The following DGKI variants were observed in gnomAD, a reference collection of about 807,000 sequenced individuals.
DGKI encodes DAG kinase iota.
In DGKI, 55 loss-of-function variants were observed where a neutral mutation model predicts 147.5. That is an observed-to-expected ratio of 0.37 (90% CI 0.30 to 0.47). DGKI has a LOEUF of 0.47. Among genes scored for constraint, DGKI ranks in the 20% least tolerant of loss-of-function variants. The pLI is 1.00. For missense variants in DGKI, 1,007 were observed against 1,323.8 expected (o/e 0.76, Z 3.71); for synonymous variants, 469 against 477.1 (o/e 0.98, Z 0.22).
At chr7:137,682,985 G>C (rs1467655528) in intron 2 of DGKI, among the ~76,000 whole-genome samples, 1 of 152,166 alleles carries the variant, frequency 6.6e-6, no homozygotes, top group Non-Finnish European at 1.5e-5. Flanking sequence ...ATACATTTGA[G>C]TCTTTCATTT....
Position 137,437,949 on chromosome 7 carries a change from CAA to C in DGKI, c.2761+6126_2761+6127del, listed in dbSNP as rs1398083259. ...CTTACCAAACCACAAAAATCAATTC[CAA>C]GTTATCAAATATTAAAGAAAGCATT... On this transcript the variant is annotated intron_variant, in intron 28 of 32. Coordinates refer to ENST00000614521, the MANE Select transcript of DGKI (RefSeq NM_001321708.2). Among the ~76,000 whole-genome samples, 20 of 152,054 alleles carry C rather than the reference CAA, an allele frequency of 1.3e-4. No individual in the cohort carries two copies. The South Asian group carries it at 3.7e-3, about 28-fold the overall frequency.
At chr7:137,534,642 T>C (rs1213182175) in intron 20 of DGKI, among the ~76,000 whole-genome samples, 1 of 152,036 alleles carries the variant, frequency 6.6e-6, no homozygotes, top group African/African-American at 2.4e-5. Flanking sequence ...CAGCTCTCTT[T>C]ATACCCTTTA....
chr7:137,533,228 G>A (rs1233269983), intron 20 of DGKI, among the ~76,000 whole-genome samples: 1 of 152,080 alleles, frequency 6.6e-6, no homozygotes, highest in Non-Finnish European at 1.5e-5. Context: ...GTTCAAGATT[G>A]CAATCAACTA....
intron 1 of DGKI, among the ~76,000 whole-genome samples, chr7:137,811,374 TCTCTCTCTCTCACACACA>T (rs1797569331): frequency 4.9e-5 from 5 of 101,662 alleles, no homozygotes; most frequent in Admixed American, 3.4e-4. Context: ...CCTCTCTCTC[TCTCTCTCTCTCACACACA>T]CACACACACA....
chr7:137,619,925 T>C lies in DGKI; in HGVS notation c.892A>G (p.Thr298Ala). Residue 298 changes from threonine to alanine, a missense_variant, in exon 8 of 33, where the codon ACC (threonine) becomes GCC (alanine). Coordinates refer to ENST00000614521, the MANE Select transcript of DGKI (RefSeq NM_001321708.2). ...TCAATGTGATGCAGCATGAAGCAGG[T>C]CACCTTATTGTGAAACTGAAGAGAA... The part of the protein sequence containing the change: ...WCKQAFHNKV[T>A]CFMLHHIEEP... 4 of 1,613,570 alleles carry C rather than the reference T, an allele frequency of 2.5e-6. No homozygotes were observed. Among genetic ancestry groups the C allele is most frequent in the Non-Finnish European group, 3.4e-6 (4 of 1,179,838 alleles).
intron 28 of DGKI, among the ~76,000 whole-genome samples, chr7:137,435,112 G>T (rs1442586036): frequency 6.6e-6 from 1 of 152,126 alleles, no homozygotes; most frequent in Admixed American, 6.6e-5. Context: ...GTTTCTGTTT[G>T]CCAACACCAC....
At chr7:137,681,446 A>G (rs1158520914) in intron 2 of DGKI, among the ~76,000 whole-genome samples, 3 of 152,254 alleles carry the variant, frequency 2.0e-5, no homozygotes, top group Non-Finnish European at 2.9e-5. Context: ...TATCCTGAAG[A>G]CATCAATCCA....
In DGKI at chr7:137,656,766, G is replaced by C. The variant is rs1822239165; in HGVS notation, c.607-226C>G. Among the ~76,000 whole-genome samples, 3 of 152,160 alleles carry C rather than the reference G, an allele frequency of 2.0e-5. No individual in the cohort carries two copies. In the South Asian group the frequency reaches 6.2e-4, roughly 32 times the overall value. ...AGTAGCTCCACATCTGCATGATTTA[G>C]GGTGGGCTAGATTGTCTCTTCAAAT... On this transcript the variant is annotated intron_variant, in intron 3 of 32. Coordinates refer to ENST00000614521, the MANE Select transcript of DGKI (RefSeq NM_001321708.2).
chr7:137,619,938 A>C lies in DGKI; in HGVS notation c.879T>G (p.Phe293Leu). 1.9e-6 allele frequency: 3 copies of C among 1,612,590 alleles called. No individual in the cohort carries two copies. Among genetic ancestry groups the C allele is most frequent in the Non-Finnish European group, 2.5e-6 (3 of 1,179,048 alleles). The change falls in exon 8 of 33, where the codon TTT becomes TTG. Residue 293 changes from phenylalanine to leucine, a missense_variant and splice_region_variant. By Grantham distance (22) the Phe-to-Leu change is conservative. Coordinates refer to ENST00000614521, the MANE Select transcript of DGKI (RefSeq NM_001321708.2). The part of the protein sequence containing the change: ...AISCSWCKQA[F>L]HNKVTCFMLH... Reference sequence around the variant, plus strand: ...GCATGAAGCAGGTCACCTTATTGTGAAACTGAAGAGAAAAATAAGCCAGTA... The same window carrying C: ...GCATGAAGCAGGTCACCTTATTGTGCAACTGAAGAGAAAAATAAGCCAGTA...
intron 20 of DGKI, among the ~76,000 whole-genome samples, chr7:137,545,067 G>C (rs1328884128): frequency 6.6e-6 from 1 of 152,182 alleles, no homozygotes; most frequent in African/African-American, 2.4e-5. Context: ...GCCTGAGTCT[G>C]AATCCCACTC....
intron 12 of DGKI, among the ~76,000 whole-genome samples, chr7:137,591,603 G>A (rs1819621077): frequency 6.6e-6 from 1 of 152,134 alleles, no homozygotes. Flanking sequence ...CCACAAATTG[G>A]CTGGGTGAGT....
chr7:137,649,669 C>T (rs185892959), intron 5 of DGKI, among the ~76,000 whole-genome samples: 24 of 151,682 alleles, frequency 1.6e-4, no homozygotes, highest in African/African-American at 5.6e-4. Context: ...TCAGGTGATG[C>T]GTGCACCAAA....
At chr7:137,420,411 A>T (rs1300220663) in intron 28 of DGKI, among the ~76,000 whole-genome samples, 1 of 152,218 alleles carries the variant, frequency 6.6e-6, no homozygotes, top group Non-Finnish European at 1.5e-5. Flanking sequence ...AAACTGTCAC[A>T]TCATATACTT....
intron 27 of DGKI, among the ~76,000 whole-genome samples, chr7:137,445,736 T>G (rs764656357): frequency 6.6e-6 from 1 of 152,168 alleles, no homozygotes; most frequent in African/African-American, 2.4e-5. Context: ...TGCCTGCTCC[T>G]AGGCCAGCTG....
At chr7:137,683,048 A>G (rs1823294462) in intron 2 of DGKI, among the ~76,000 whole-genome samples, 1 of 151,816 alleles carries the variant, frequency 6.6e-6, no homozygotes, top group South Asian at 2.1e-4. Flanking sequence ...CTTTGCTTTT[A>G]TTTTTGTCTA....
chr7:137,845,504 G>A (rs548797415), intron 1 of DGKI, among the ~76,000 whole-genome samples: 4 of 152,134 alleles, frequency 2.6e-5, no homozygotes, highest in Non-Finnish European at 5.9e-5. Flanking sequence ...GTACATCTTT[G>A]TAAACCTATG....
At chr7:137,665,210 G>T (rs370455587) in intron 3 of DGKI, among the ~76,000 whole-genome samples, 1 of 152,142 alleles carries the variant, frequency 6.6e-6, no homozygotes, top group Non-Finnish European at 1.5e-5. Context: ...ATAATTTCCC[G>T]TATGAGGTGA....
At chr7:137,593,067 T>A (rs564742109) in intron 12 of DGKI, among the ~76,000 whole-genome samples, 1 of 152,336 alleles carries the variant, frequency 6.6e-6, no homozygotes, top group Middle Eastern at 3.4e-3. Flanking sequence ...CATGGGGATG[T>A]CTACCATTTG....
intron 1 of DGKI, among the ~76,000 whole-genome samples, chr7:137,754,951 C>T (rs1028483245): frequency 3.9e-5 from 6 of 152,164 alleles, no homozygotes; most frequent in South Asian, 2.1e-4. Context: ...GCTCAAACAA[C>T]GCATACTTTA....
Sources: gnomAD v4.1 joint callset for allele counts (sites outside exome capture counted in the v4.1 genomes callset) on GRCh38, gnomAD v4.1.1 for gene constraint, MANE v1.5 for transcripts, NCBI Gene and HGNC (gene_info 2026-07-23, HGNC 2026-07-21) for gene names.